Variants in IL3RA observed in about 807,000 individuals in gnomAD.
The protein encoded by IL3RA is interleukin 3 receptor subunit alpha.
Under a neutral mutation model 52.3 loss-of-function variants are expected in IL3RA, and 73 were observed. The observed-to-expected ratio is 1.40, with a 90% CI of 1.16 to 1.70. IL3RA has a LOEUF of 1.70. IL3RA is among the 40% of genes most tolerant of loss of function. The pLI, the probability that IL3RA is intolerant of heterozygous loss-of-function variation, is 0.00. For missense variants in IL3RA, 664 were observed against 504.4 expected (o/e 1.32, Z -3.03); for synonymous variants, 260 against 194.0 (o/e 1.34, Z -2.83).
chrX:1,353,944 CCCCCCCCCCCATCATGGGTCGTGGG>C (rs2086380612), intron 6 of IL3RA, among the ~76,000 whole-genome samples: 1 of 26,726 alleles, frequency 3.7e-5, no homozygotes, highest in African/African-American at 2.9e-4. Context: ...GGTCATGGGA[CCCCCCCCCCCATCATGGGTCGTGGG>C]ACCCCCACCC....
chrX:1,342,622 G>A (rs1213640560), intron 2 of IL3RA, among the ~76,000 whole-genome samples: 2 of 143,852 alleles, frequency 1.4e-5, no homozygotes, highest in Admixed American at 7.1e-5. Context: ...GTGTAATAGC[G>A]TGACCATGGC....
chrX:1,337,720 C>T (rs1206488645), intron 1 of IL3RA, among the ~76,000 whole-genome samples: 1 of 139,442 alleles, frequency 7.2e-6, no homozygotes, highest in Non-Finnish European at 1.6e-5. Context: ...CAGCTTTATT[C>T]ACAATAGCCA....
chrX:1,382,523 CTGCACAGACTGGCTGCTGGACCTG>C lies in IL3RA; in HGVS notation c.*59_*82del. On this transcript the variant is annotated 3_prime_UTR_variant, in exon 12 of 12. Transcript: ENST00000331035. ...CAATCTCCCTGGCCGGGCCAGGCGCCTGCACAGACTGGCTGCTGGACCTGCGCACGCAGCCCAGGAATGGACATT... is the reference window on the plus strand; with the variant it reads ...CAATCTCCCTGGCCGGGCCAGGCGCCCGCACGCAGCCCAGGAATGGACATT... 1 of 1,485,460 alleles carries C rather than the reference CTGCACAGACTGGCTGCTGGACCTG, an allele frequency of 6.7e-7. No individual in the cohort carries two copies. The highest frequency in any genetic ancestry group is 9.4e-7 in the Non-Finnish European group (1 of 1,062,760). 92.0% of individuals were successfully genotyped at this position (1,485,460 alleles called of 1,614,324 possible). A position where few individuals can be genotyped will look rare whatever the true frequency, so the allele number is the denominator to read the frequency against.
rs189580177 is a variant in IL3RA at position 1,344,546 on chromosome X, G to A, written c.65-770G>A. On this transcript the variant is annotated intron_variant, in intron 2 of 11. Coordinates refer to ENST00000331035, the MANE Select transcript of IL3RA (RefSeq NM_002183.4). ...TCCCAGCACTTTGAGAGGCCGAGGC[G>A]GACAGATCACGAGGTCAGGAGATCG... 8.9e-4 allele frequency among the ~76,000 whole-genome samples: 134 copies of A among 151,378 alleles called. 1 individual carries two copies. The highest frequency in any genetic ancestry group is 2.9e-3 in the African/African-American group (121 of 41,208).
chrX:1,337,298 C>T (rs2085352218), intron 1 of IL3RA, among the ~76,000 whole-genome samples: 1 of 152,190 alleles, frequency 6.6e-6, no homozygotes, highest in African/African-American at 2.4e-5. Context: ...TATTAGAAAG[C>T]GCTGGTTCAG....
chrX:1,379,675 G>A (rs1487647087), intron 10 of IL3RA, among the ~76,000 whole-genome samples: 25 of 152,248 alleles, frequency 1.6e-4, no homozygotes, highest in Non-Finnish European at 2.6e-4. Context: ...CTGGGCGAAC[G>A]TCACAGCTGT....
chrX:1,345,379 T>C lies in IL3RA; in HGVS notation c.128T>C (p.Leu43Pro), dbSNP rs1383074889. ...KAKAQQLTWD[L>P]NRNVTDIECV... Reference sequence around the variant, plus strand: ...AAGGCTCAGCAGTTGACCTGGGACCTTAACAGAAATGTGACCGATATCGAG... The same window carrying C: ...AAGGCTCAGCAGTTGACCTGGGACCCTAACAGAAATGTGACCGATATCGAG... The change falls in exon 3 of 12, where the codon CTT (leucine) becomes CCT (proline). Residue 43 changes from leucine (L) to proline (P), a missense_variant. Transcript: ENST00000331035. 1 of 1,611,218 alleles carries C rather than the reference T, an allele frequency of 6.2e-7. No individual in the cohort carries two copies. The highest frequency in any genetic ancestry group is 1.1e-5 in the South Asian group (1 of 90,748).
At chrX:1,354,593 A>T (rs1352433778) in intron 6 of IL3RA, among the ~76,000 whole-genome samples, 1 of 95,666 alleles carries the variant, frequency 1.0e-5, no homozygotes, top group Admixed American at 1.4e-4. Context: ...ACGGAGAAAG[A>T]GGAGGGGGAG....
intron 3 of IL3RA, among the ~76,000 whole-genome samples, chrX:1,345,636 C>A (rs1251278146): frequency 1.3e-5 from 2 of 151,664 alleles, no homozygotes; most frequent in Non-Finnish European, 2.9e-5. Flanking sequence ...ACTACAGGCG[C>A]CCGCCACCAT....
chrX:1,381,717 T>G (rs1242731472), intron 11 of IL3RA, among the ~76,000 whole-genome samples: 1 of 142,846 alleles, frequency 7.0e-6, no homozygotes, highest in South Asian at 2.2e-4. Flanking sequence ...GCTAATTTTG[T>G]ATTTTTAGTA....
chrX:1,367,907 A>G (rs867267161), intron 9 of IL3RA, among the ~76,000 whole-genome samples: 2 of 139,222 alleles, frequency 1.4e-5, no homozygotes, highest in African/African-American at 3.4e-5. Context: ...CTGTGACCCC[A>G]AAAAGGACCC....
intron 6 of IL3RA, among the ~76,000 whole-genome samples, chrX:1,354,786 AAGG>A (rs200066711): frequency 0.01 from 937 of 92,540 alleles, 34 homozygotes; most frequent in African/African-American, 0.038. Flanking sequence ...AAGAGGAAGA[AAGG>A]AGGAGGAGAG....
intron 1 of IL3RA, among the ~76,000 whole-genome samples, chrX:1,337,318 G>A (rs1297028686): frequency 2.0e-5 from 3 of 152,200 alleles, no homozygotes; most frequent in African/African-American, 7.2e-5. Context: ...GTTAGTCAAT[G>A]AGCTCACGCC....
intron 3 of IL3RA, among the ~76,000 whole-genome samples, chrX:1,346,077 G>C (rs2085729135): frequency 6.6e-6 from 1 of 152,062 alleles, no homozygotes; most frequent in South Asian, 2.1e-4. Flanking sequence ...CACTTTGGGA[G>C]GCTGAGGCGG....
At position 1,345,214 on chromosome X, in the gene IL3RA, T is replaced by C. The variant is rs1165541573; in HGVS notation, c.65-102T>C. Reference sequence around the variant, plus strand: ...ATAAAAGAACTCCACCTCCCAAAGGTATTGGCTAACTCCACGGGCAAAAAA... The same window carrying C: ...ATAAAAGAACTCCACCTCCCAAAGGCATTGGCTAACTCCACGGGCAAAAAA... On this transcript the variant is annotated intron_variant, in intron 2 of 11. Coordinates refer to ENST00000331035, the MANE Select transcript of IL3RA (RefSeq NM_002183.4). 5 of 667,236 alleles carry C rather than the reference T, an allele frequency of 7.5e-6. No individual in the cohort carries two copies. In the East Asian group the frequency reaches 1.3e-4, roughly 17 times the overall value. The allele number at this position is 667,236 out of a possible 1,614,324, so 41.3% of individuals were successfully genotyped here.
intron 7 of IL3RA, among the ~76,000 whole-genome samples, chrX:1,357,612 T>C (rs1293853355): frequency 1.3e-5 from 2 of 151,786 alleles, no homozygotes; most frequent in Non-Finnish European, 2.9e-5. Flanking sequence ...TCCACCCGCC[T>C]CAGCTTCCCA....
chrX:1,344,375 A>G (rs1257107633), intron 2 of IL3RA, among the ~76,000 whole-genome samples: 4 of 149,002 alleles, frequency 2.7e-5, no homozygotes, highest in South Asian at 2.2e-4. Flanking sequence ...CGGAGGTTGT[A>G]GTGAGCCGAG....
At position 1,352,326 on chromosome X, in the gene IL3RA, C is replaced by A; in HGVS notation, c.436C>A (p.Arg146Ser). ...YDLYLNVANRRQQYECLHYKT... is the reference protein window; with the variant it reads ...YDLYLNVANRSQQYECLHYKT... ...CAACCTTACCGCTTACCGCAGCAGG[C>A]GTCAACAGTACGAGTGTCTTCACTA... The change falls in exon 6 of 12, where the codon CGT (arginine) becomes AGT (serine). Residue 146 changes from arginine to serine, a missense_variant. By Grantham distance (110) the Arg-to-Ser change is moderately radical. Transcript: ENST00000331035. The A allele has an allele frequency of 6.2e-6, 10 of 1,613,764 alleles. No homozygotes were observed. Among genetic ancestry groups the A allele is most frequent in the Non-Finnish European group, 8.5e-6 (10 of 1,179,814 alleles).
intron 11 of IL3RA, among the ~76,000 whole-genome samples, chrX:1,381,647 C>T (rs1215314867): frequency 1.3e-5 from 2 of 151,580 alleles, no homozygotes; most frequent in African/African-American, 4.8e-5. Flanking sequence ...AAGGTTCAAG[C>T]GATTGTCCTG....
Sources: allele counts gnomAD v4.1 joint callset (sites outside exome capture counted in the v4.1 genomes callset), GRCh38; gene constraint gnomAD v4.1.1; transcripts MANE v1.5; gene names NCBI Gene and HGNC (gene_info 2026-07-23, HGNC 2026-07-21).